SEMA4F: variants seen among roughly 807,000 people sequenced by gnomAD.
SEMA4F encodes ssemaphorin 4F, also known as semaphorin-4F.
SEMA4F carries 51 observed loss-of-function variants against 78.4 expected under a neutral mutation model. The ratio of observed to expected loss-of-function variants is 0.65; its 90% CI spans 0.52 to 0.82. The LOEUF is 0.82. Ranked by LOEUF, SEMA4F falls within the 40% of genes least tolerant of loss-of-function variation. The pLI is 0.00. For synonymous variants in SEMA4F, 418 were observed against 408.7 expected (o/e 1.02, Z -0.27); for missense variants, 938 against 1,014.4 (o/e 0.92, Z 1.02).
chr2:74,657,094 T>C (rs994864985), intron 2 of SEMA4F, among the ~76,000 whole-genome samples: 2 of 152,246 alleles, frequency 1.3e-5, no homozygotes, highest in Non-Finnish European at 2.9e-5. Flanking sequence ...GCTTTTTGTG[T>C]GCCAACATGG....
Position 74,656,518 on chromosome 2 carries a change from CCT to C in SEMA4F, c.146-11_146-10del. The C allele has an allele frequency of 6.2e-7, 1 of 1,611,198 alleles. No individual in the cohort carries two copies. The highest frequency in any genetic ancestry group is 8.5e-7 in the Non-Finnish European group (1 of 1,177,740). On this transcript the variant is annotated splice_polypyrimidine_tract_variant and intron_variant, in intron 1 of 13. Transcript: ENST00000357877. ...AGGAAGCGATGGCTAACATCACTCT[CCT>C]CTCTTCCTGCCAGAGGCTGACTCCT...
the SEMA4F span, among the ~76,000 whole-genome samples, chr2:74,694,115 G>A: frequency 1.1e-4 from 16 of 152,292 alleles, no homozygotes; most frequent in African/African-American, 3.4e-4. Flanking sequence ...AACATCTGCA[G>A]ACAAGACAGT....
chr2:74,677,447 A>T (rs183540281), intron 12 of SEMA4F, among the ~76,000 whole-genome samples: 122 of 152,306 alleles, frequency 8.0e-4, no homozygotes, highest in Non-Finnish European at 1.5e-3. Flanking sequence ...AAAAAAAACC[A>T]TATTACCATT....
downstream of SEMA4F, among the ~76,000 whole-genome samples, chr2:74,688,690 A>T (rs1685866404): frequency 6.6e-6 from 1 of 152,204 alleles, no homozygotes; most frequent in South Asian, 2.1e-4. Flanking sequence ...CACTGGGAAA[A>T]TTTACTCCAG....
chr2:74,685,953 G>GA (rs1369636978), downstream of SEMA4F, among the ~76,000 whole-genome samples: 2 of 152,022 alleles, frequency 1.3e-5, no homozygotes, highest in Non-Finnish European at 2.9e-5. Context: ...ACAGACACAG[G>GA]AAAAAATGCT....
At chr2:74,694,122 C>G in the SEMA4F span, among the ~76,000 whole-genome samples, 1 of 152,130 alleles carries the variant, frequency 6.6e-6, no homozygotes, top group Non-Finnish European at 1.5e-5. Flanking sequence ...GCAGACAAGA[C>G]AGTTGAGCCT....
the SEMA4F span, among the ~76,000 whole-genome samples, chr2:74,704,148 T>C: frequency 6.6e-6 from 1 of 151,946 alleles, no homozygotes; most frequent in Non-Finnish European, 1.5e-5. Flanking sequence ...GTGAGGTAGG[T>C]GCTAAGTTTT....
chr2:74,685,731 T>C (rs1238193376), downstream of SEMA4F, among the ~76,000 whole-genome samples: 2 of 152,136 alleles, frequency 1.3e-5, no homozygotes, highest in Non-Finnish European at 2.9e-5. Flanking sequence ...TACTGTAATT[T>C]ACTATAGCTG....
chr2:74,709,383 A>G, the SEMA4F span, among the ~76,000 whole-genome samples: 575 of 152,382 alleles, frequency 3.8e-3, 5 homozygotes, highest in African/African-American at 0.013. Context: ...AATGTCATTC[A>G]GGAATAAAAG....
At chr2:74,672,456 A>G (rs1379051958) in intron 5 of SEMA4F, among the ~76,000 whole-genome samples, 3 of 152,150 alleles carry the variant, frequency 2.0e-5, no homozygotes, top group Non-Finnish European at 4.4e-5. Flanking sequence ...CCAGGGATTT[A>G]CTTAGCACCC....
the SEMA4F span, among the ~76,000 whole-genome samples, chr2:74,696,594 A>G: frequency 4.5e-3 from 678 of 152,308 alleles, 6 homozygotes; most frequent in African/African-American, 0.016. Flanking sequence ...GGGATAAAAA[A>G]ACTACCAGTT....
Position 74,673,769 on chromosome 2 carries a change from TC to T in SEMA4F, c.766del (p.Arg256GlufsTer36). On this transcript the variant is annotated frameshift_variant, in exon 7 of 14. Transcript: ENST00000357877. LOFTEE classifies it high-confidence loss of function. Reference sequence around the variant, plus strand: ...AATCTACTTCTTCTTTACGGAGACTTCCCGAGCATTTGACTCATACGAGCGC... The same window carrying T: ...AATCTACTTCTTCTTTACGGAGACTTCCGAGCATTTGACTCATACGAGCGC... ...DEIYFFFTET[S>X]RAFDSYERIK... 1 of 1,614,202 alleles carries T rather than the reference TC, an allele frequency of 6.2e-7. No homozygotes were observed. The highest frequency in any genetic ancestry group is 8.5e-7 in the Non-Finnish European group (1 of 1,180,042).
At chr2:74,689,907 C>T in the SEMA4F span, among the ~76,000 whole-genome samples, 8 of 152,332 alleles carry the variant, frequency 5.3e-5, no homozygotes, top group East Asian at 1.9e-4. Context: ...ACAAAATGAC[C>T]GAGCAGCCTC....
At chr2:74,661,358 A>G (rs1228619947) in intron 4 of SEMA4F, among the ~76,000 whole-genome samples, 1 of 152,214 alleles carries the variant, frequency 6.6e-6, no homozygotes, top group African/African-American at 2.4e-5. Flanking sequence ...ACAAAAAGTT[A>G]TTATTAAGTC....
At chr2:74,700,986 GCTGGAGGTT>G in the SEMA4F span, among the ~76,000 whole-genome samples, 1 of 152,192 alleles carries the variant, frequency 6.6e-6, no homozygotes, top group African/African-American at 2.4e-5. Flanking sequence ...GAGAGATTCA[GCTGGAGGTT>G]CTGATGCATT....
chr2:74,665,228 CTTTTTTTT>C (rs11348861), intron 5 of SEMA4F, among the ~76,000 whole-genome samples: 1 of 128,678 alleles, frequency 7.8e-6, no homozygotes, highest in African/African-American at 3.0e-5. Flanking sequence ...CACTCTTTTT[CTTTTTTTT>C]TTTTTTTTTT....
chr2:74,675,187 G>A lies in SEMA4F; in HGVS notation c.1175G>A (p.Arg392Gln), dbSNP rs775487552. The A allele has an allele frequency of 2.2e-5, 36 of 1,613,932 alleles. No homozygotes were observed. The highest frequency in any genetic ancestry group is 1.6e-4 in the Middle Eastern group (1 of 6,084). The change falls in exon 10 of 14, where the codon CGG becomes CAG. Residue 392 changes from arginine (R) to glutamine (Q), a missense_variant. Arg to Gln is a conservative substitution (Grantham distance 43, BLOSUM62 1). Transcript: ENST00000357877. Reference sequence around the variant, plus strand: ...TGCATCACCAACAACATGAAGCTCCGGCACTTTGGCTCATCTCTCTCCCTG... The same window carrying A: ...TGCATCACCAACAACATGAAGCTCCAGCACTTTGGCTCATCTCTCTCCCTG... ...GECITNNMKL[R>Q]HFGSSLSLPD... is the part of the protein sequence containing the mutation.
chr2:74,691,139 A>G, the SEMA4F span, among the ~76,000 whole-genome samples: 16 of 152,296 alleles, frequency 1.1e-4, no homozygotes, highest in Admixed American at 2.0e-4. Flanking sequence ...CCATTAGCTA[A>G]TTCAAGAAAC....
At chr2:74,692,334 C>G in the SEMA4F span, among the ~76,000 whole-genome samples, 1 of 152,094 alleles carries the variant, frequency 6.6e-6, no homozygotes, top group Admixed American at 6.5e-5. Flanking sequence ...CAGAATCCAC[C>G]CAACTAGCTG....
Sources: allele counts gnomAD v4.1 joint callset (sites outside exome capture counted in the v4.1 genomes callset), GRCh38; gene constraint gnomAD v4.1.1; transcripts MANE v1.5; gene names NCBI Gene and HGNC (gene_info 2026-07-23, HGNC 2026-07-21).